Variants in NVL observed in about 807,000 individuals in gnomAD.
NVL encodes nuclear VCP like.
Under a neutral mutation model 110.2 loss-of-function variants are expected in NVL, and 84 were observed. The ratio of observed to expected loss-of-function variants is 0.76; its 90% confidence interval spans 0.64 to 0.91. NVL has a LOEUF of 0.91. Ranked by LOEUF, NVL falls within the 40% of genes least tolerant of loss-of-function variation. NVL has a pLI of 0.00. For missense variants in NVL, 882 were observed against 1,035.9 expected, an observed-to-expected ratio of 0.85 and a Z score of 2.04; for synonymous variants, 354 against 361.1, an observed-to-expected ratio of 0.98 and a Z score of 0.22.
chr1:224,232,654 C>T (rs1026033608), intron 21 of NVL, among the ~76,000 whole-genome samples: 6 of 152,054 alleles, frequency 3.9e-5, no homozygotes, highest in Admixed American at 6.6e-5. Flanking sequence ...GTCACCACAC[C>T]CAGCAGACAA....
chr1:224,235,405 T>G (rs1390676293), intron 20 of NVL, among the ~76,000 whole-genome samples: 2 of 152,092 alleles, frequency 1.3e-5, no homozygotes, highest in South Asian at 2.1e-4. Flanking sequence ...TGACCTCAAG[T>G]GATCTGCCCA....
At chr1:224,260,351 C>T (rs749777915) in intron 18 of NVL, among the ~76,000 whole-genome samples, 16 of 152,194 alleles carry the variant, frequency 1.1e-4, no homozygotes, top group African/African-American at 3.6e-4. Context: ...CTCCACCTCC[C>T]GAGTTCCAGC....
At chr1:224,324,044 ATAAG>A (rs1276585037) in intron 2 of NVL, among the ~76,000 whole-genome samples, 2 of 152,370 alleles carry the variant, frequency 1.3e-5, no homozygotes, top group Admixed American at 1.3e-4. Context: ...GAAAACAAAA[ATAAG>A]TAAGAGTATA....
At chr1:224,317,637 G>T in intron 4 of NVL, 57 bp downstream of exon 4, 1 of 1,028,422 alleles carries the variant, frequency 9.7e-7, no homozygotes, top group Non-Finnish European at 1.5e-6. Flanking sequence ...TTTACAAGCA[G>T]GAATGTAACA....
intron 1 of NVL, among the ~76,000 whole-genome samples, chr1:224,329,852 C>T (rs1231939971): frequency 6.6e-6 from 1 of 152,160 alleles, no homozygotes; most frequent in Non-Finnish European, 1.5e-5. Flanking sequence ...CCAAGCTGCA[C>T]CCTCCCACCA....
chr1:224,282,851 T>A (rs1447164844), intron 15 of NVL, among the ~76,000 whole-genome samples: 1 of 152,340 alleles, frequency 6.6e-6, no homozygotes, highest in East Asian at 1.9e-4. Flanking sequence ...CAAGAAAAAT[T>A]GTATTATTTT....
chr1:224,326,338 A>C (rs1269578573), intron 2 of NVL, 53 bp downstream of exon 2: 1 of 1,344,092 alleles, frequency 7.4e-7, no homozygotes, highest in East Asian at 2.3e-5. Flanking sequence ...TAAACTTTTA[A>C]AATGGTAAAG....
intron 22 of NVL, among the ~76,000 whole-genome samples, chr1:224,228,343 C>T (rs934979866): frequency 6.6e-6 from 1 of 152,160 alleles, no homozygotes; most frequent in South Asian, 2.1e-4. Flanking sequence ...CTCACTCTGT[C>T]GCCCAGGCTG....
At chr1:224,305,483 G>GA (rs765498742) in intron 6 of NVL, 3,071 of 167,572 alleles carry the variant, frequency 0.018, 3 homozygotes, top group Middle Eastern at 0.043. Flanking sequence ...CCCATATGGG[G>GA]AAAAAAAAAA....
rs183902604 is a variant in NVL at position 224,255,629 on chromosome 1, C to T, written c.2183-5311G>A. 1.9e-3 allele frequency among the ~76,000 whole-genome samples: 292 copies of T among 152,294 alleles called. 2 individuals are homozygous for T. The highest frequency in any genetic ancestry group is 6.5e-3 in the African/African-American group (270 of 41,570). On this transcript the variant is annotated intron_variant, in intron 18 of 22. Coordinates refer to ENST00000281701, the MANE Select transcript of NVL (RefSeq NM_002533.4). ...CTCACTACACTGCCCAGGCTGGCCT[C>T]GAAGTGCTGAGCTCAAAGGATCCTC...
At chr1:224,293,063 C>T (rs1254178327) in intron 12 of NVL, among the ~76,000 whole-genome samples, 1 of 146,898 alleles carries the variant, frequency 6.8e-6, no homozygotes, top group Non-Finnish European at 1.5e-5. Flanking sequence ...CCTAATATTT[C>T]AGAACAATTT....
chr1:224,326,015 C>T (rs1347565133), intron 2 of NVL, among the ~76,000 whole-genome samples: 1 of 152,136 alleles, frequency 6.6e-6, no homozygotes, highest in Non-Finnish European at 1.5e-5. Flanking sequence ...TCTCAAACTC[C>T]TGGGCTTAAG....
chr1:224,250,590 G>C (rs1381282946), intron 18 of NVL, among the ~76,000 whole-genome samples: 1 of 151,688 alleles, frequency 6.6e-6, no homozygotes, highest in Admixed American at 6.6e-5. Flanking sequence ...TAGGTTTTTG[G>C]GGAACAGGTG....
In NVL at chr1:224,304,983, C is replaced by T. The variant is rs527357259; in HGVS notation, c.748+51G>A. On this transcript the variant is annotated intron_variant, in intron 7 of 22. Transcript: ENST00000281701. The stretch of plus-strand genomic sequence containing the variant: ...CAAAATAGCTTGGGACAGAATGATG[C>T]TTCTCTCACTGCAAACATGACCACT... 8.8e-6 allele frequency: 14 copies of T among 1,596,036 alleles called. No individual in the cohort carries two copies. The African/African-American group carries it at 1.9e-4, about 22-fold the overall frequency.
At chr1:224,306,657 C>T (rs774212617) in intron 6 of NVL, among the ~76,000 whole-genome samples, 10 of 152,118 alleles carry the variant, frequency 6.6e-5, no homozygotes, top group South Asian at 4.1e-4. Context: ...CATGGCCAAA[C>T]GCCATCTCTA....
At chr1:224,278,803 G>C (rs1666032152) in intron 16 of NVL, among the ~76,000 whole-genome samples, 1 of 151,936 alleles carries the variant, frequency 6.6e-6, no homozygotes, top group African/African-American at 2.4e-5. Context: ...CGTGATCATA[G>C]CTCACTGCAG....
chr1:224,326,832 C>T (rs754665355), intron 1 of NVL, among the ~76,000 whole-genome samples: 10 of 152,190 alleles, frequency 6.6e-5, no homozygotes, highest in Non-Finnish European at 1.3e-4. Context: ...CTGTCAGATA[C>T]TGCAGAACTA....
chr1:224,308,922 G>A (rs1354947737), intron 5 of NVL, among the ~76,000 whole-genome samples: 2 of 151,548 alleles, frequency 1.3e-5, no homozygotes, highest in African/African-American at 4.8e-5. Flanking sequence ...TTAGCCAGGC[G>A]TGATGGCGGA....
intron 22 of NVL, among the ~76,000 whole-genome samples, chr1:224,230,334 G>C (rs1469835113): frequency 2.0e-5 from 3 of 152,272 alleles, no homozygotes; most frequent in Non-Finnish European, 4.4e-5. Context: ...GCTGGGCGCA[G>C]TGGCTCACGC....
Sources: allele counts gnomAD v4.1 joint callset (sites outside exome capture counted in the v4.1 genomes callset), GRCh38; gene constraint gnomAD v4.1.1; transcripts MANE v1.5; gene names NCBI Gene and HGNC (gene_info 2026-07-23, HGNC 2026-07-21).